The following SLC25A12 variants were observed in gnomAD, a reference collection of about 807,000 sequenced individuals.
The protein encoded by SLC25A12 is electrogenic aspartate/glutamate antiporter SLC25A12, mitochondrial.
SLC25A12 carries 32 observed loss-of-function variants against 83.3 expected under a neutral mutation model. The ratio of observed to expected loss-of-function variants is 0.38; its 90% CI spans 0.29 to 0.52. The LOEUF is 0.52. Ranked by LOEUF, SLC25A12 falls within the 20% of genes least tolerant of loss-of-function variation. The pLI is 0.84. For missense variants in SLC25A12, 611 were observed against 835.6 expected (o/e 0.73, Z 3.31); for synonymous variants, 267 against 291.1 (o/e 0.92, Z 0.84).
intron 4 of SLC25A12, chr2:171,848,418 G>T: frequency 2.6e-6 from 1 of 380,100 alleles, no homozygotes. Flanking sequence ...TATTGTCAGG[G>T]GGAAAAGTTC....
At chr2:171,791,024 A>G (rs953397755) in intron 15 of SLC25A12, among the ~76,000 whole-genome samples, 1 of 152,160 alleles carries the variant, frequency 6.6e-6, no homozygotes, top group Non-Finnish European at 1.5e-5. Flanking sequence ...CGGCCAAATC[A>G]TGTAGATTCC....
chr2:171,811,740 T>C (rs1683949548), intron 11 of SLC25A12, among the ~76,000 whole-genome samples: 1 of 152,208 alleles, frequency 6.6e-6, no homozygotes, highest in Admixed American at 6.5e-5. Flanking sequence ...CTTGCTATAT[T>C]GCATCCATTT....
At chr2:171,818,043 G>A (rs2105868341) in intron 9 of SLC25A12, among the ~76,000 whole-genome samples, 1 of 152,242 alleles carries the variant, frequency 6.6e-6, no homozygotes, top group South Asian at 2.1e-4. Flanking sequence ...ACAATATATG[G>A]TTAGCAACAT....
chr2:171,877,179 G>A (rs1685590562), intron 2 of SLC25A12, among the ~76,000 whole-genome samples: 1 of 152,152 alleles, frequency 6.6e-6, no homozygotes, highest in African/African-American at 2.4e-5. Flanking sequence ...AAAGATGGCA[G>A]GGTTTCACAT....
Position 171,885,444 on chromosome 2 carries a change from C to CT in SLC25A12, c.66+7760dup, listed in dbSNP as rs563050428. ...CCTGTAATCCCAACACTTTGGGAGG[C>CT]TGAGGCAGGTGGATCACCTGAGGTC... On this transcript the variant is annotated intron_variant, in intron 2 of 17. Coordinates refer to ENST00000422440, the MANE Select transcript of SLC25A12 (RefSeq NM_003705.5). 1.4e-4 allele frequency among the ~76,000 whole-genome samples: 21 copies of CT among 151,914 alleles called. No individual in the cohort carries two copies. The East Asian group carries it at 4.1e-3, about 29-fold the overall frequency.
chr2:171,806,665 T>C (rs1683838666), intron 13 of SLC25A12, among the ~76,000 whole-genome samples: 1 of 152,228 alleles, frequency 6.6e-6, no homozygotes, highest in African/African-American at 2.4e-5. Context: ...GCCTAGGTCC[T>C]AGCTAATCCT....
At chr2:171,801,844 A>T (rs1415585302) in intron 13 of SLC25A12, among the ~76,000 whole-genome samples, 2 of 152,004 alleles carry the variant, frequency 1.3e-5, no homozygotes, top group Non-Finnish European at 2.9e-5. Context: ...TGACCTAAAA[A>T]TTTCCAACTC....
In SLC25A12 at chr2:171,785,033, A is replaced by G. The variant is rs1199517822; in HGVS notation, c.*241T>C. Reference sequence around the variant, plus strand: ...GTGCAAAGCAGAGTCTAGAACACTAATTCATGCCAAGGCTTACAAAAACAT... The same window carrying G: ...GTGCAAAGCAGAGTCTAGAACACTAGTTCATGCCAAGGCTTACAAAAACAT... On this transcript the variant is annotated 3_prime_UTR_variant, in exon 18 of 18. Transcript: ENST00000422440. The G allele has an allele frequency of 2.1e-6, 1 of 467,866 alleles. No individual in the cohort carries two copies. Among genetic ancestry groups the G allele is most frequent in the East Asian group, 4.3e-5 (1 of 23,176 alleles). The allele number at this position is 467,866 out of a possible 1,614,324, so 29.0% of individuals were successfully genotyped here.
chr2:171,856,864 G>C (rs893355139), intron 3 of SLC25A12, among the ~76,000 whole-genome samples: 1 of 151,976 alleles, frequency 6.6e-6, no homozygotes, highest in African/African-American at 2.4e-5. Flanking sequence ...AGGTTTTTTT[G>C]GTTGTTGTTA....
chr2:171,822,113 A>C (rs1684205441), intron 9 of SLC25A12, among the ~76,000 whole-genome samples: 1 of 152,228 alleles, frequency 6.6e-6, no homozygotes, highest in South Asian at 2.1e-4. Flanking sequence ...GCACTTAAAA[A>C]ATACAAAGAT....
chr2:171,845,403 A>G (rs1295408604), intron 4 of SLC25A12, among the ~76,000 whole-genome samples: 1 of 152,198 alleles, frequency 6.6e-6, no homozygotes, highest in Non-Finnish European at 1.5e-5. Flanking sequence ...AATCATGAAC[A>G]AAGTTAAGAA....
At chr2:171,827,132 C>T (rs1684319293) in intron 8 of SLC25A12, among the ~76,000 whole-genome samples, 2 of 152,236 alleles carry the variant, frequency 1.3e-5, no homozygotes, top group South Asian at 4.1e-4. Context: ...ATATTAAAAT[C>T]AAATAATTAT....
At chr2:171,890,068 TGAGA>T (rs1685899194) in intron 2 of SLC25A12, among the ~76,000 whole-genome samples, 1 of 152,284 alleles carries the variant, frequency 6.6e-6, no homozygotes, top group South Asian at 2.1e-4. Flanking sequence ...CCACAAACCA[TGAGA>T]GATGGCATGG....
At chr2:171,828,175 G>C (rs1684351737) in intron 8 of SLC25A12, among the ~76,000 whole-genome samples, 2 of 152,170 alleles carry the variant, frequency 1.3e-5, no homozygotes, top group Admixed American at 1.3e-4. Flanking sequence ...GTAATTGAGG[G>C]CAACTAGCCA....
At chr2:171,810,024 T>TTTG (rs773888993) in intron 12 of SLC25A12, among the ~76,000 whole-genome samples, 200 bp downstream of exon 12, 4 of 152,134 alleles carry the variant, frequency 2.6e-5, no homozygotes, top group African/African-American at 7.2e-5. Flanking sequence ...AATTTTTAAT[T>TTTG]TTGTTGTTGT....
chr2:171,879,124 G>A (rs1685635692), intron 2 of SLC25A12, among the ~76,000 whole-genome samples: 1 of 151,984 alleles, frequency 6.6e-6, no homozygotes, highest in Admixed American at 6.6e-5. Flanking sequence ...ACTTTATTAA[G>A]CCATATTAAT....
At chr2:171,821,358 A>G (rs1451587654) in intron 9 of SLC25A12, among the ~76,000 whole-genome samples, 1 of 152,046 alleles carries the variant, frequency 6.6e-6, no homozygotes, top group Non-Finnish European at 1.5e-5. Context: ...ATGTGTAAAC[A>G]TTTTTGTTAG....
chr2:171,789,631 G>T lies in SLC25A12; in HGVS notation c.1586-1684C>A, dbSNP rs1021852846. On this transcript the variant is annotated intron_variant, in intron 15 of 17. Coordinates refer to ENST00000422440, the MANE Select transcript of SLC25A12 (RefSeq NM_003705.5). ...TCCGAAAAGACAAAGGAAGGAAGGGGTGCATGTTTGCTCTCTATACAACCA... is the reference window on the plus strand; with the variant it reads ...TCCGAAAAGACAAAGGAAGGAAGGGTTGCATGTTTGCTCTCTATACAACCA... Among the ~76,000 whole-genome samples, 5 of 152,192 alleles carry T rather than the reference G, an allele frequency of 3.3e-5. No individual in the cohort carries two copies. The East Asian group carries it at 9.6e-4, about 29-fold the overall frequency.
At chr2:171,806,154 A>C (rs1361851206) in intron 13 of SLC25A12, among the ~76,000 whole-genome samples, 1 of 152,042 alleles carries the variant, frequency 6.6e-6, no homozygotes. Flanking sequence ...CAAAAATCAC[A>C]TGCCTTTAAA....
Sources: allele counts gnomAD v4.1 joint callset (sites outside exome capture counted in the v4.1 genomes callset), GRCh38; gene constraint gnomAD v4.1.1; transcripts MANE v1.5; gene names NCBI Gene and HGNC (gene_info 2026-07-23, HGNC 2026-07-21).